SESN2: variants seen among roughly 807,000 people sequenced by gnomAD.
The protein encoded by SESN2 is sestrin 2.
In SESN2, 42 loss-of-function variants were observed where a neutral mutation model predicts 56.0. The observed-to-expected ratio is 0.75, with a 90% CI of 0.59 to 0.97. The LOEUF (loss-of-function observed/expected upper bound fraction) is 0.97. Among genes scored for constraint, SESN2 ranks in the 50% least tolerant of loss-of-function variants. SESN2 has a pLI of 0.00. For synonymous variants in SESN2, 264 were observed against 267.1 expected (o/e 0.99, Z 0.11); for missense variants, 507 against 649.4 (o/e 0.78, Z 2.38).
At chr1:28,263,653 A>C (rs1647459312) in intron 1 of SESN2, among the ~76,000 whole-genome samples, 2 of 152,004 alleles carry the variant, frequency 1.3e-5, no homozygotes, top group Admixed American at 6.6e-5. Flanking sequence ...TGGGTAGTAG[A>C]CAGAACCCTT....
rs530242365 is a variant in SESN2, at chr1:28,269,300, G to A, written c.156+52G>A. On this transcript the variant is annotated intron_variant, in intron 2 of 9. Coordinates refer to ENST00000253063, the MANE Select transcript of SESN2 (RefSeq NM_031459.5). ...TTGGTCCCTGGGAAGAAAGGACATGGCATATTGGTAGGCAGGCATCTTTTC... is the reference window on the plus strand; with the variant it reads ...TTGGTCCCTGGGAAGAAAGGACATGACATATTGGTAGGCAGGCATCTTTTC... The A allele has an allele frequency of 3.5e-4, 441 of 1,245,028 alleles. 2 individuals are homozygous for A. In the South Asian group the frequency reaches 5.3e-3, roughly 15 times the overall value. 77.1% of individuals were successfully genotyped at this position (1,245,028 alleles called of 1,614,324 possible). A position where few individuals can be genotyped will look rare whatever the true frequency, so the allele number is the denominator to read the frequency against.
chr1:28,259,860 G>C lies in SESN2; in HGVS notation c.13G>C (p.Asp5His). Reference sequence around the variant, plus strand: ...CCTGGCGCGCACCATGATCGTGGCGGACTCCGAGTGCCGCGCAGAGCTCAA... The same window carrying C: ...CCTGGCGCGCACCATGATCGTGGCGCACTCCGAGTGCCGCGCAGAGCTCAA... MIVA[D>H]SECRAELKDY... The change falls in exon 1 of 10, where the codon GAC becomes CAC. Residue 5 changes from aspartate to histidine, a missense_variant. Coordinates refer to ENST00000253063, the MANE Select transcript of SESN2 (RefSeq NM_031459.5). 7.1e-7 allele frequency: 1 copy of C among 1,403,082 alleles called. No homozygotes were observed. Among genetic ancestry groups the C allele is most frequent in the Admixed American group, 3.2e-5 (1 of 30,914 alleles). 86.9% of individuals were successfully genotyped at this position (1,403,082 alleles called of 1,614,324 possible).
chr1:28,272,435 G>A lies in SESN2; in HGVS notation c.506G>A (p.Arg169Gln), dbSNP rs1003343893. The change falls in exon 4 of 10, where the codon CGG becomes CAG. Residue 169 changes from arginine (R) to glutamine (Q), a missense_variant. Arg to Gln is a conservative substitution (Grantham distance 43). Transcript: ENST00000253063. ...LSEINKLLAH[R>Q]PWLITKEHIQ... is the part of the protein sequence containing the mutation. ...GAGATCAACAAGTTGCTGGCGCATCGGCCATGGCTCATCACCAAGGAACAC... is the reference window on the plus strand; with the variant it reads ...GAGATCAACAAGTTGCTGGCGCATCAGCCATGGCTCATCACCAAGGAACAC... 1.7e-5 allele frequency: 28 copies of A among 1,613,118 alleles called. No homozygotes were observed. Among genetic ancestry groups the A allele is most frequent in the Admixed American group, 3.3e-5 (2 of 60,000 alleles).
chr1:28,274,279 C>A (rs548203640), intron 7 of SESN2, 121 bp downstream of exon 7: 12 of 708,830 alleles, frequency 1.7e-5, no homozygotes, highest in South Asian at 6.7e-5. Flanking sequence ...CACCTGTAAT[C>A]CCAGCACTTT....
At chr1:28,273,159 G>C (rs1647850747) in intron 5 of SESN2, among the ~76,000 whole-genome samples, 199 bp from the exon 6 acceptor site, 1 of 152,212 alleles carries the variant, frequency 6.6e-6, no homozygotes, top group African/African-American at 2.4e-5. Flanking sequence ...GCTCAGGGAA[G>C]ATGTGTCTAT....
intron 2 of SESN2, among the ~76,000 whole-genome samples, chr1:28,270,666 G>C (rs1647738168): frequency 6.6e-6 from 1 of 151,876 alleles, no homozygotes; most frequent in Non-Finnish European, 1.5e-5. Flanking sequence ...CTGCCTCCCA[G>C]GTTCAAGCAA....
chr1:28,267,072 T>C (rs1647583524), intron 1 of SESN2, among the ~76,000 whole-genome samples: 1 of 152,178 alleles, frequency 6.6e-6, no homozygotes, highest in South Asian at 2.1e-4. Context: ...CTGCTGTGGC[T>C]TGCTATTCTG....
intron 8 of SESN2, 92 bp downstream of exon 8, chr1:28,275,107 TTTTCC>T: frequency 1.1e-6 from 1 of 935,380 alleles, no homozygotes; most frequent in Non-Finnish European, 1.5e-6. Context: ...TGTTTTTTTC[TTTTCC>T]TTTCTTCTTG....
chr1:28,271,984 C>T lies in SESN2; in HGVS notation c.354+113C>T, dbSNP rs531911045. 23 of 1,043,670 alleles carry T rather than the reference C, an allele frequency of 2.2e-5. 1 individual carries two copies. In the East Asian group the frequency reaches 4.2e-4, roughly 19 times the overall value. The allele number at this position is 1,043,670 out of a possible 1,614,324, so 64.7% of individuals were successfully genotyped here. On this transcript the variant is annotated intron_variant, in intron 3 of 9. Coordinates refer to ENST00000253063, the MANE Select transcript of SESN2 (RefSeq NM_031459.5). ...ATTCCATAGACAAGCAGGGAAAGCCCTGGCTTTATCTAACTGTAGAGTTTT... is the reference window on the plus strand; with the variant it reads ...ATTCCATAGACAAGCAGGGAAAGCCTTGGCTTTATCTAACTGTAGAGTTTT...
intron 2 of SESN2, among the ~76,000 whole-genome samples, chr1:28,270,248 G>T (rs901948213): frequency 3.9e-5 from 6 of 152,066 alleles, no homozygotes; most frequent in Non-Finnish European, 7.4e-5. Context: ...CTACTCTGGA[G>T]GCTGAGGCAG....
At chr1:28,266,906 G>T (rs1395547076) in intron 1 of SESN2, among the ~76,000 whole-genome samples, 1 of 152,190 alleles carries the variant, frequency 6.6e-6, no homozygotes, top group Non-Finnish European at 1.5e-5. Flanking sequence ...ATTGCTGAAA[G>T]TGTTGATGGA....
At chr1:28,265,718 T>A (rs1011167701) in intron 1 of SESN2, among the ~76,000 whole-genome samples, 3 of 152,102 alleles carry the variant, frequency 2.0e-5, no homozygotes, top group African/African-American at 7.2e-5. Context: ...AGAGAGGGTG[T>A]CCTGCTGTGT....
intron 6 of SESN2, among the ~76,000 whole-genome samples, 161 bp from the exon 7 acceptor site, chr1:28,273,879 C>CA (rs1647911555): frequency 6.6e-6 from 1 of 152,158 alleles, no homozygotes; most frequent in South Asian, 2.1e-4. Context: ...ACCCCCTCCC[C>CA]AAGGCCTGGC....
Position 28,273,374 on chromosome 1 carries a change from G to T in SESN2, c.767G>T (p.Arg256Leu), listed in dbSNP as rs371066600. The change falls in exon 6 of 10, where the codon CGC (arginine) becomes CTC (leucine). Residue 256 changes from arginine (R) to leucine (L), a missense_variant. Physicochemically the swap from Arg to Leu is moderately radical, Grantham distance 102 (BLOSUM62 -2). Transcript: ENST00000253063. ...CTCCTGCAGGGCTTTGAGTCTGCCC[G>T]CGACGTGGAGGCGCTGATGGAGCGC... Reference protein sequence around the residue: ...LNNSGGFESARDVEALMERMQ... With the variant: ...LNNSGGFESALDVEALMERMQ... The T allele has an allele frequency of 2.0e-5, 32 of 1,600,272 alleles. No homozygotes were observed. The highest frequency in any genetic ancestry group is 2.6e-5 in the Non-Finnish European group (31 of 1,173,544).
At chr1:28,264,546 A>G (rs1647492371) in intron 1 of SESN2, among the ~76,000 whole-genome samples, 1 of 136,498 alleles carries the variant, frequency 7.3e-6, no homozygotes, top group Admixed American at 7.1e-5. Context: ...AGGTGACCTG[A>G]CCCCTCTGTG....
At chr1:28,259,977 C>T (rs750911499) in intron 1 of SESN2, 40 bp downstream of exon 1, 3 of 1,425,478 alleles carry the variant, frequency 2.1e-6, no homozygotes, top group African/African-American at 3.0e-5. Flanking sequence ...CCCTGGAACC[C>T]CGAACCGCGT....
chr1:28,274,822 A>C lies in SESN2; in HGVS notation c.1021-3A>C, dbSNP rs770082027. ...CTCACCAATCCCTTCCCACCTACCTAAGGATTATACCTGGGAAGACCATGG... is the reference window on the plus strand; with the variant it reads ...CTCACCAATCCCTTCCCACCTACCTCAGGATTATACCTGGGAAGACCATGG... On this transcript the variant is annotated splice_polypyrimidine_tract_variant and splice_region_variant and intron_variant, in intron 7 of 9. Transcript: ENST00000253063. 1 of 1,608,482 alleles carries C rather than the reference A, an allele frequency of 6.2e-7. No homozygotes were observed. The highest frequency in any genetic ancestry group is 1.3e-5 in the African/African-American group (1 of 74,942).
chr1:28,265,512 GC>G (rs1199832676), intron 1 of SESN2, among the ~76,000 whole-genome samples: 1 of 152,098 alleles, frequency 6.6e-6, no homozygotes, highest in Non-Finnish European at 1.5e-5. Flanking sequence ...TCCTGCCTCA[GC>G]CCCCCGAGTA....
At chr1:28,274,780 G>A (rs1240753919) in intron 7 of SESN2, 45 bp from the exon 8 acceptor site, 1 of 1,490,778 alleles carries the variant, frequency 6.7e-7, no homozygotes, top group East Asian at 2.3e-5. Context: ...TCTCTGGCTG[G>A]TCTTGGGCTC....
Sources: gnomAD v4.1 joint callset for allele counts (sites outside exome capture counted in the v4.1 genomes callset) on GRCh38, gnomAD v4.1.1 for gene constraint, MANE v1.5 for transcripts, NCBI Gene and HGNC (gene_info 2026-07-23, HGNC 2026-07-21) for gene names.